Variants in VPS50 observed in about 807,000 individuals in gnomAD.
VPS50 encodes the protein VPS50 subunit of EARP/GARPII complex.
In VPS50, 70 loss-of-function variants were observed where a neutral mutation model predicts 139.7. That is an observed-to-expected ratio of 0.50 (90% CI 0.41 to 0.61). The LOEUF (loss-of-function observed/expected upper bound fraction) is 0.61, where lower values mean the gene tolerates loss of function less well. Ranked by LOEUF, VPS50 falls within the 20% of genes least tolerant of loss-of-function variation. VPS50 has a pLI of 0.00. For synonymous variants in VPS50, 365 were observed against 376.7 expected (o/e 0.97, Z 0.36); for missense variants, 921 against 1,133.7 (o/e 0.81, Z 2.69).
rs1225958323 is a variant in VPS50, at chr7:93,278,536, G to T, written c.942+2231G>T. On this transcript the variant is annotated intron_variant, in intron 12 of 27. Coordinates refer to ENST00000305866, the MANE Select transcript of VPS50 (RefSeq NM_017667.4). Reference sequence around the variant, plus strand: ...TGCTTGAACCAGGGAGGTGGAGGTTGCAGTGAGCTGAGATCACACCACTGC... The same window carrying T: ...TGCTTGAACCAGGGAGGTGGAGGTTTCAGTGAGCTGAGATCACACCACTGC... Among the ~76,000 whole-genome samples, 10 of 146,624 alleles carry T rather than the reference G, an allele frequency of 6.8e-5. No homozygotes were observed. The Admixed American group carries it at 7.0e-4, about 10-fold the overall frequency.
At chr7:93,295,548 A>T (rs929786593) in intron 14 of VPS50, 1 of 152,090 alleles carries the variant, frequency 6.6e-6, no homozygotes, top group Admixed American at 6.5e-5. Context: ...ATAATTTGTT[A>T]CTTCTTAGAT....
At chr7:93,293,632 G>A (rs1796713099) in intron 13 of VPS50, among the ~76,000 whole-genome samples, 1 of 152,160 alleles carries the variant, frequency 6.6e-6, no homozygotes, top group African/African-American at 2.4e-5. Context: ...TAAAACTGAA[G>A]AGGACTCTAG....
At chr7:93,283,269 C>T (rs1796381685) in intron 12 of VPS50, among the ~76,000 whole-genome samples, 1 of 150,564 alleles carries the variant, frequency 6.6e-6, no homozygotes. Context: ...CCTCTGTTGC[C>T]TGGGCTGGAG....
intron 3 of VPS50, among the ~76,000 whole-genome samples, 177 bp from the exon 4 acceptor site, chr7:93,253,683 G>C (rs1584391069): frequency 6.6e-6 from 1 of 152,180 alleles, no homozygotes; most frequent in East Asian, 1.9e-4. Flanking sequence ...AGATGTATAG[G>C]CTTTTGTGGT....
At chr7:93,337,923 C>T (rs1388279817) in intron 22 of VPS50, among the ~76,000 whole-genome samples, 1 of 152,086 alleles carries the variant, frequency 6.6e-6, no homozygotes. Context: ...TATGATGTAA[C>T]CAAATATGCT....
intron 24 of VPS50, among the ~76,000 whole-genome samples, 188 bp downstream of exon 24, chr7:93,348,995 T>C (rs1427179220): frequency 6.6e-6 from 1 of 152,178 alleles, no homozygotes; most frequent in African/African-American, 2.4e-5. Flanking sequence ...CTCATGTAAC[T>C]TTTAGACTAG....
At chr7:93,305,049 A>G (rs1039516883) in intron 17 of VPS50, among the ~76,000 whole-genome samples, 5 of 151,966 alleles carry the variant, frequency 3.3e-5, no homozygotes, top group African/African-American at 1.2e-4. Context: ...ATTTGGGATT[A>G]TTCTGTTTAG....
At chr7:93,308,989 C>T (rs761692327) in intron 19 of VPS50, 47 bp downstream of exon 19, 2 of 991,728 alleles carry the variant, frequency 2.0e-6, no homozygotes, top group South Asian at 1.4e-5. Context: ...ATCTTGTGCT[C>T]TTAACATATA....
At chr7:93,260,799 G>A (rs961415285) in intron 9 of VPS50, among the ~76,000 whole-genome samples, 2 of 152,014 alleles carry the variant, frequency 1.3e-5, no homozygotes, top group African/African-American at 4.8e-5. Flanking sequence ...GGGTTCAAGC[G>A]ATTCTCCTGC....
intron 23 of VPS50, among the ~76,000 whole-genome samples, chr7:93,346,723 G>T (rs1392883833): frequency 2.7e-5 from 4 of 147,120 alleles, no homozygotes; most frequent in East Asian, 4.0e-4. Context: ...AAGCAATGGG[G>T]AAAGGATTCC....
At chr7:93,241,429 C>G (rs1454564150) in intron 2 of VPS50, among the ~76,000 whole-genome samples, 1 of 152,062 alleles carries the variant, frequency 6.6e-6, no homozygotes, top group African/African-American at 2.4e-5. Context: ...AAGCACTGGT[C>G]TCTTTAGCAC....
At chr7:93,304,400 T>C (rs538546480) in intron 17 of VPS50, among the ~76,000 whole-genome samples, 1 of 151,906 alleles carries the variant, frequency 6.6e-6, no homozygotes, top group South Asian at 2.1e-4. Flanking sequence ...AGTTTTATTA[T>C]ATTGTTTTCC....
intron 1 of VPS50, among the ~76,000 whole-genome samples, chr7:93,238,011 T>C (rs1399565954): frequency 6.6e-6 from 1 of 152,224 alleles, no homozygotes; most frequent in Admixed American, 6.5e-5. Flanking sequence ...GCATGTGTAC[T>C]TTGAAAAATG....
chr7:93,296,352 A>G lies in VPS50; in HGVS notation c.1168-390A>G, dbSNP rs185438681. ...TGAGTATTATGCATAAAAAGAAAGG[A>G]AAATCTTATAGTTATTGAATATACA... On this transcript the variant is annotated intron_variant, in intron 14 of 27. Transcript: ENST00000305866. Among the ~76,000 whole-genome samples the G allele has an allele frequency of 3.3e-5, 5 of 152,294 alleles. No homozygotes were observed. The East Asian group carries it at 9.7e-4, about 29-fold the overall frequency.
chr7:93,281,613 T>C (rs1562866844), intron 12 of VPS50, among the ~76,000 whole-genome samples: 1 of 152,216 alleles, frequency 6.6e-6, no homozygotes, highest in South Asian at 2.1e-4. Context: ...TAAACTGGTA[T>C]GTTATTTATA....
rs1798818959 is a variant in VPS50, at chr7:93,361,094, T to A, written c.*2658T>A. On this transcript the variant is annotated 3_prime_UTR_variant, in exon 28 of 28. Coordinates refer to ENST00000305866, the MANE Select transcript of VPS50 (RefSeq NM_017667.4). The stretch of plus-strand genomic sequence containing the variant: ...ATTCAATTCACCTTGTAAGCATAGT[T>A]GTCTTTTGTAATAAAAAACTAGATC... 1 of 151,646 alleles carries A rather than the reference T, an allele frequency of 6.6e-6. No individual in the cohort carries two copies. Among genetic ancestry groups the A allele is most frequent in the Admixed American group, 6.6e-5 (1 of 15,170 alleles). The allele number at this position is 151,646 out of a possible 1,614,324, so 9.4% of individuals were successfully genotyped here. A position where few individuals can be genotyped will look rare whatever the true frequency, so the allele number is the denominator to read the frequency against.
chr7:93,296,853 T>TG lies in VPS50; in HGVS notation c.1262+18dup. ...AATCAGCAGGTAGTATTTAAGATCT[T>TG]GTCTTATTCTTTAGTTTGAGTCATT... On this transcript the variant is annotated intron_variant, in intron 15 of 27. Coordinates refer to ENST00000305866, the MANE Select transcript of VPS50 (RefSeq NM_017667.4). The TG allele has an allele frequency of 6.3e-7, 1 of 1,576,946 alleles. No homozygotes were observed. Among genetic ancestry groups the TG allele is most frequent in the Non-Finnish European group, 8.6e-7 (1 of 1,168,432 alleles).
intron 18 of VPS50, 38 bp from the exon 19 acceptor site, chr7:93,308,786 C>T (rs1462351866): frequency 8.5e-7 from 1 of 1,175,272 alleles, no homozygotes. Context: ...AAAAGAGGCC[C>T]TTTATACTCA....
chr7:93,335,319 G>T (rs184299221), intron 22 of VPS50, among the ~76,000 whole-genome samples: 23 of 152,278 alleles, frequency 1.5e-4, no homozygotes, highest in African/African-American at 5.5e-4. Flanking sequence ...TTGGGCAGAA[G>T]AAATAAATGG....
Sources: allele counts gnomAD v4.1 joint callset (sites outside exome capture counted in the v4.1 genomes callset), GRCh38; gene constraint gnomAD v4.1.1; transcripts MANE v1.5; gene names NCBI Gene and HGNC (gene_info 2026-07-23, HGNC 2026-07-21).